C5orf63: variants seen among roughly 807,000 people sequenced by gnomAD.
The protein encoded by C5orf63 is glutaredoxin-like protein C5orf63.
Under a neutral mutation model 13.3 loss-of-function variants are expected in C5orf63, and 18 were observed. The observed-to-expected ratio is 1.36, with a 90% CI of 0.94 to 2.01. The LOEUF (loss-of-function observed/expected upper bound fraction) is 2.01. Among genes scored for constraint, C5orf63 ranks in the 30% most tolerant of loss-of-function variants. The pLI, the probability that C5orf63 is intolerant of heterozygous loss-of-function variation, is 0.00. For missense variants in C5orf63, 118 were observed against 127.7 expected (o/e 0.92, Z 0.36); for synonymous variants, 38 against 44.7 (o/e 0.85, Z 0.60).
intron 3 of C5orf63, among the ~76,000 whole-genome samples, chr5:127,057,869 G>A (rs1753948819): frequency 6.6e-6 from 1 of 152,162 alleles, no homozygotes; most frequent in African/African-American, 2.4e-5. Flanking sequence ...CAGACACAGT[G>A]CTGAAGTGCT....
At chr5:127,059,728 C>CAA (rs58498141) in intron 2 of C5orf63, among the ~76,000 whole-genome samples, 9,288 of 99,002 alleles carry the variant, frequency 0.094, 375 homozygotes, top group South Asian at 0.16. Flanking sequence ...GATCTTATCT[C>CAA]AAAAAAAAAA....
intron 1 of C5orf63, 56 bp from the exon 2 acceptor site, chr5:127,071,741 G>A (rs968413983): frequency 7.9e-5 from 12 of 152,094 alleles, no homozygotes; most frequent in African/African-American, 2.2e-4. Context: ...AAAACACCTC[G>A]CTACTTGTAC....
chr5:127,059,096 C>T (rs547100749), intron 2 of C5orf63, 94 bp from the exon 3 acceptor site: 18 of 806,112 alleles, frequency 2.2e-5, no homozygotes, highest in Middle Eastern at 2.5e-4. Context: ...ATGGAATTTG[C>T]GGGCTTCAGA....
chr5:127,048,518 G>A (rs777089828), downstream of C5orf63, among the ~76,000 whole-genome samples: 3 of 151,802 alleles, frequency 2.0e-5, no homozygotes, highest in Admixed American at 6.6e-5. Context: ...TAGAAAATTA[G>A]TGAGAGGACA....
At chr5:127,049,577 A>C (rs942396999), downstream of C5orf63, among the ~76,000 whole-genome samples, 5 of 152,298 alleles carry the variant, frequency 3.3e-5, 1 homozygote, top group African/African-American at 1.2e-4. Flanking sequence ...TTGCTCCTTA[A>C]TAGATAGTGA....
chr5:127,066,414 T>C (rs886952241), intron 2 of C5orf63, among the ~76,000 whole-genome samples: 15 of 151,972 alleles, frequency 9.9e-5, no homozygotes, highest in African/African-American at 3.4e-4. Flanking sequence ...TTAGTTTGGA[T>C]GAGACGGGAT....
chr5:127,050,353 T>A (rs1385011576), downstream of C5orf63, among the ~76,000 whole-genome samples: 1 of 152,000 alleles, frequency 6.6e-6, no homozygotes, highest in East Asian at 1.9e-4. Context: ...CTCTTTTATT[T>A]TTTTTTTTTA....
intron 3 of C5orf63, among the ~76,000 whole-genome samples, chr5:127,055,805 T>C (rs1248905695): frequency 1.3e-5 from 2 of 152,224 alleles, no homozygotes; most frequent in African/African-American, 4.8e-5. Context: ...ATTAAGAACT[T>C]TAGAAGAATC....
At chr5:127,047,755 G>T (rs1275749686), downstream of C5orf63, 1 of 703,796 alleles carries the variant, frequency 1.4e-6, no homozygotes, top group Non-Finnish European at 2.6e-6. Flanking sequence ...ACTTGAAATT[G>T]TTTTTGGTGC....
chr5:127,046,396 A>G (rs558216424), downstream of C5orf63: 3 of 152,188 alleles, frequency 2.0e-5, no homozygotes, highest in Non-Finnish European at 2.9e-5. Context: ...TCACTCCTAA[A>G]TATCTCCTGA....
At chr5:127,044,178 T>A (rs113883091), downstream of C5orf63, 1 of 152,214 alleles carries the variant, frequency 6.6e-6, no homozygotes, top group Non-Finnish European at 1.5e-5. Context: ...TTTCTAAGGA[T>A]AGAAAGTTTT....
At chr5:127,055,439 G>T (rs938343811) in intron 3 of C5orf63, among the ~76,000 whole-genome samples, 1 of 152,120 alleles carries the variant, frequency 6.6e-6, no homozygotes, top group Non-Finnish European at 1.5e-5. Flanking sequence ...GCTCAAAACA[G>T]ACCCCAAATT....
chr5:127,048,246 GACACACACACACACACAC>G (rs71822352), downstream of C5orf63, among the ~76,000 whole-genome samples: 180 of 134,780 alleles, frequency 1.3e-3, no homozygotes, highest in African/African-American at 3.7e-3. Context: ...GGTCCATGAG[GACACACACACACACACAC>G]ACACACACAC....
At chr5:127,049,569 G>A (rs565200572), downstream of C5orf63, among the ~76,000 whole-genome samples, 9 of 152,064 alleles carry the variant, frequency 5.9e-5, no homozygotes, top group African/African-American at 2.2e-4. Context: ...GTCTCTCCTT[G>A]CTCCTTAATA....
chr5:127,070,542 G>C (rs1314211717), intron 2 of C5orf63, among the ~76,000 whole-genome samples: 1 of 152,204 alleles, frequency 6.6e-6, no homozygotes, highest in East Asian at 1.9e-4. Flanking sequence ...TTGAAATGTT[G>C]TTAGTAAAGT....
At chr5:127,065,252 A>T (rs1392821679) in intron 2 of C5orf63, among the ~76,000 whole-genome samples, 1 of 152,238 alleles carries the variant, frequency 6.6e-6, no homozygotes, top group African/African-American at 2.4e-5. Flanking sequence ...TTAAAAATGA[A>T]TAAGGGTTGA....
intron 3 of C5orf63, among the ~76,000 whole-genome samples, chr5:127,057,431 CA>C (rs1753926973): frequency 6.6e-6 from 1 of 151,742 alleles, no homozygotes; most frequent in Admixed American, 6.6e-5. Flanking sequence ...TGTTAATTAG[CA>C]AAAAAAGAAA....
At chr5:127,072,711 A>T (rs1364634918) in intron 1 of C5orf63, among the ~76,000 whole-genome samples, 4 of 152,304 alleles carry the variant, frequency 2.6e-5, no homozygotes, top group South Asian at 2.1e-4. Context: ...AATAAAGATC[A>T]CCCAAGCAAA....
chr5:127,059,030 CT>C, intron 2 of C5orf63, 28 bp from the exon 3 acceptor site: 1 of 1,278,758 alleles, frequency 7.8e-7, no homozygotes, highest in South Asian at 1.3e-5. Context: ...AAGCAGTAAA[CT>C]TATGTGCCCT....
Sources: allele counts gnomAD v4.1 joint callset (sites outside exome capture counted in the v4.1 genomes callset), GRCh38; gene constraint gnomAD v4.1.1; transcripts MANE v1.5; gene names NCBI Gene and HGNC (gene_info 2026-07-23, HGNC 2026-07-21).